The following MAGI1 variants were observed in gnomAD, a reference collection of about 807,000 sequenced individuals.
MAGI1 encodes the protein membrane associated guanylate kinase, WW and PDZ domain containing 1.
MAGI1 carries 58 observed loss-of-function variants against 139.9 expected under a neutral mutation model. That is an observed-to-expected ratio of 0.41 (90% CI 0.34 to 0.52). The LOEUF (loss-of-function observed/expected upper bound fraction) is 0.52, where lower values mean the gene tolerates loss of function less well. Among genes scored for constraint, MAGI1 ranks in the 20% least tolerant of loss-of-function variants. MAGI1 has a pLI of 0.12. For missense variants in MAGI1, 1,874 were observed against 1,901.6 expected (o/e 0.99, Z 0.27); for synonymous variants, 812 against 737.9 (o/e 1.10, Z -1.63).
chr3:65,831,424 T>C (rs562270639), intron 1 of MAGI1, among the ~76,000 whole-genome samples: 1 of 152,312 alleles, frequency 6.6e-6, no homozygotes, highest in Admixed American at 6.5e-5. Flanking sequence ...TCCATGCTTT[T>C]AAGGATGGAG....
rs1000581528 is a variant in MAGI1 at position 65,782,583 on chromosome 3, C to T, written c.314-160495G>A. On this transcript the variant is annotated intron_variant, in intron 1 of 22. Transcript: ENST00000402939. ...CTTCTGGACCAAAGGAGAATAAAAA[C>T]TATTTTTTAAAGTATATGGATTTCT... is the stretch of plus-strand genomic sequence containing the variant. Among the ~76,000 whole-genome samples the T allele has an allele frequency of 1.3e-4, 9 of 71,544 alleles. No homozygotes were observed. The East Asian group carries it at 2.3e-3, about 18-fold the overall frequency. 46.9% of individuals were successfully genotyped at this position (71,544 alleles called of 152,430 possible).
At chr3:65,982,079 A>C (rs77575418) in intron 1 of MAGI1, among the ~76,000 whole-genome samples, 1 of 152,176 alleles carries the variant, frequency 6.6e-6, no homozygotes, top group South Asian at 2.1e-4. Context: ...GACTTTCACT[A>C]TGTAACTTAA....
chr3:65,674,320 G>C (rs1024655518), intron 1 of MAGI1, among the ~76,000 whole-genome samples: 1 of 152,096 alleles, frequency 6.6e-6, no homozygotes, highest in Non-Finnish European at 1.5e-5. Flanking sequence ...GAGACCTTTG[G>C]TTAAGATTCT....
At chr3:65,424,903 T>G (rs73127558) in intron 12 of MAGI1, among the ~76,000 whole-genome samples, 15,760 of 151,932 alleles carry the variant, frequency 0.1, 1,976 homozygotes, top group East Asian at 0.65. Context: ...ACCCTGTCTC[T>G]ACAAAACAAT....
At chr3:65,958,076 G>A (rs932498036) in intron 1 of MAGI1, among the ~76,000 whole-genome samples, 2 of 152,092 alleles carry the variant, frequency 1.3e-5, no homozygotes, top group African/African-American at 4.8e-5. Context: ...TGATTGAACT[G>A]TTGTAACCCA....
At chr3:65,512,302 A>C (rs12637273) in intron 2 of MAGI1, among the ~76,000 whole-genome samples, 35,679 of 128,932 alleles carry the variant, frequency 0.28, 5,516 homozygotes, top group East Asian at 0.66. Flanking sequence ...AAATAACTAA[A>C]ATCAGAGCAG....
intron 1 of MAGI1, among the ~76,000 whole-genome samples, chr3:65,879,147 A>C (rs993287155): frequency 6.6e-6 from 1 of 152,038 alleles, no homozygotes; most frequent in Non-Finnish European, 1.5e-5. Context: ...CCTAATTGGG[A>C]GTGACTCAGC....
At chr3:65,412,203 C>A (rs1442531583) in intron 12 of MAGI1, among the ~76,000 whole-genome samples, 2 of 152,216 alleles carry the variant, frequency 1.3e-5, no homozygotes, top group Admixed American at 1.3e-4. Context: ...CACTGCGGAA[C>A]TGCCTCCTTG....
rs534939182 is a variant in MAGI1 at position 65,358,664 on chromosome 3, A to G, written c.3635-1532T>C. On this transcript the variant is annotated intron_variant, in intron 22 of 22. Transcript: ENST00000402939. Reference sequence around the variant, plus strand: ...TTACTTACAAAAACAGGCTATGGACAGGATTGGGCCCATGGACTGCAGTTT... The same window carrying G: ...TTACTTACAAAAACAGGCTATGGACGGGATTGGGCCCATGGACTGCAGTTT... Among the ~76,000 whole-genome samples, 48 of 152,332 alleles carry G rather than the reference A, an allele frequency of 3.2e-4. No homozygotes were observed. In the South Asian group the frequency reaches 9.5e-3, roughly 30 times the overall value.
chr3:65,548,613 C>G (rs924298200), intron 2 of MAGI1, among the ~76,000 whole-genome samples: 40 of 148,580 alleles, frequency 2.7e-4, no homozygotes, highest in African/African-American at 9.4e-4. Context: ...ACCTCTGCCT[C>G]CCAGGTTCAA....
chr3:65,908,829 A>G (rs1256657128), intron 1 of MAGI1, among the ~76,000 whole-genome samples: 1 of 152,212 alleles, frequency 6.6e-6, no homozygotes. Context: ...TCTCTTGGTC[A>G]TTAACCATAA....
At chr3:65,934,704 C>G (rs1315185392) in intron 1 of MAGI1, among the ~76,000 whole-genome samples, 1 of 151,374 alleles carries the variant, frequency 6.6e-6, no homozygotes, top group Admixed American at 6.6e-5. Flanking sequence ...ATTATAAAAC[C>G]GAGTCCCTCT....
chr3:65,408,251 G>T (rs572018603), intron 12 of MAGI1, among the ~76,000 whole-genome samples: 1 of 152,140 alleles, frequency 6.6e-6, no homozygotes, highest in Non-Finnish European at 1.5e-5. Flanking sequence ...AAGTAGAGGG[G>T]CCAATGGGAA....
chr3:65,987,376 T>C (rs2065934789), intron 1 of MAGI1, among the ~76,000 whole-genome samples: 1 of 152,070 alleles, frequency 6.6e-6, no homozygotes, highest in Admixed American at 6.5e-5. Context: ...AAGGATTAAA[T>C]CAAAGACATA....
At chr3:65,862,476 G>T (rs1419571790) in intron 1 of MAGI1, among the ~76,000 whole-genome samples, 1 of 152,006 alleles carries the variant, frequency 6.6e-6, no homozygotes, top group Non-Finnish European at 1.5e-5. Flanking sequence ...CAATTAATTT[G>T]CCATAAACAG....
intron 1 of MAGI1, among the ~76,000 whole-genome samples, chr3:65,936,200 G>A (rs1308143836): frequency 6.6e-6 from 1 of 152,134 alleles, no homozygotes; most frequent in Non-Finnish European, 1.5e-5. Flanking sequence ...CACAGACACA[G>A]TACCTATGCC....
At chr3:65,582,220 C>T (rs2081465236) in intron 2 of MAGI1, among the ~76,000 whole-genome samples, 1 of 152,196 alleles carries the variant, frequency 6.6e-6, no homozygotes, top group South Asian at 2.1e-4. Flanking sequence ...TAGAACAGTA[C>T]ATGGCATAGA....
At position 65,391,309 on chromosome 3, in the gene MAGI1, G is replaced by GA; in HGVS notation, c.2248dup (p.Ser750PhefsTer33). The GA allele has an allele frequency of 6.2e-7, 1 of 1,614,200 alleles. No homozygotes were observed. Among genetic ancestry groups the GA allele is most frequent in the South Asian group, 1.1e-5 (1 of 91,078 alleles). On this transcript the variant is annotated frameshift_variant, in exon 14 of 23. Transcript: ENST00000402939. LOFTEE classifies it high-confidence loss of function. ...TGCTGTGTGCAGGCTTCGGTGGCTG[G>GA]AAACACTGTGCTGAGAACTATTCTG... is the stretch of plus-strand genomic sequence containing the variant.
intron 14 of MAGI1, among the ~76,000 whole-genome samples, chr3:65,388,593 A>G (rs1032621414): frequency 6.6e-6 from 1 of 152,184 alleles, no homozygotes; most frequent in Non-Finnish European, 1.5e-5. Flanking sequence ...TGTGAAAATA[A>G]GAAAATCTGT....
Sources: gnomAD v4.1 joint callset for allele counts (sites outside exome capture counted in the v4.1 genomes callset) on GRCh38, gnomAD v4.1.1 for gene constraint, MANE v1.5 for transcripts, NCBI Gene and HGNC (gene_info 2026-07-23, HGNC 2026-07-21) for gene names.